The following RAPGEF5 variants were observed in gnomAD, a reference collection of about 807,000 sequenced individuals.
The protein encoded by RAPGEF5 is M-Ras-regulated GEF.
In RAPGEF5, 65 loss-of-function variants were observed where a neutral mutation model predicts 125.2. The observed-to-expected ratio is 0.52, with a 90% confidence interval of 0.43 to 0.64. RAPGEF5 has a LOEUF of 0.64. Among genes scored for constraint, RAPGEF5 ranks in the 30% least tolerant of loss-of-function variants. The pLI, the probability that RAPGEF5 is intolerant of heterozygous loss-of-function variation, is 0.00. For missense variants in RAPGEF5, 958 were observed against 1,048.1 expected (o/e 0.91, Z 1.19); for synonymous variants, 391 against 385.9 (o/e 1.01, Z -0.16).
chr7:22,125,715 G>T (rs148996755), intron 24 of RAPGEF5, 57 bp from the exon 25 acceptor site: 2 of 1,475,370 alleles, frequency 1.4e-6, no homozygotes, highest in Non-Finnish European at 1.9e-6. Flanking sequence ...TGTTACTGAA[G>T]AAGCAGTGCC....
chr7:22,137,466 T>C (rs944315119), intron 21 of RAPGEF5, among the ~76,000 whole-genome samples: 8 of 152,166 alleles, frequency 5.3e-5, no homozygotes, highest in Non-Finnish European at 8.8e-5. Flanking sequence ...AATCAATGAA[T>C]TGAAGAGCTC....
intron 5 of RAPGEF5, among the ~76,000 whole-genome samples, chr7:22,292,881 C>G (rs1782965885): frequency 6.6e-6 from 1 of 152,238 alleles, no homozygotes; most frequent in Non-Finnish European, 1.5e-5. Flanking sequence ...TCTCATAAAT[C>G]TGTTTTCAAC....
chr7:22,346,987 C>T (rs1387610879), intron 1 of RAPGEF5, among the ~76,000 whole-genome samples: 3 of 152,064 alleles, frequency 2.0e-5, no homozygotes, highest in African/African-American at 7.2e-5. Context: ...TATCTAATGT[C>T]ATTTAGTTAT....
intron 1 of RAPGEF5, among the ~76,000 whole-genome samples, chr7:22,353,500 G>A (rs1164890633): frequency 6.6e-6 from 1 of 152,132 alleles, no homozygotes; most frequent in East Asian, 1.9e-4. Context: ...GTTTTAAAAT[G>A]CACTAGCCCC....
chr7:22,139,764 G>A (rs1448550927), intron 21 of RAPGEF5: 1 of 352,906 alleles, frequency 2.8e-6, no homozygotes, highest in Non-Finnish European at 5.3e-6. Flanking sequence ...GGGAGACTGT[G>A]GGGACCAGCC....
chr7:22,168,111 G>C (rs1165068934), intron 11 of RAPGEF5, among the ~76,000 whole-genome samples: 3 of 152,006 alleles, frequency 2.0e-5, no homozygotes, highest in Non-Finnish European at 4.4e-5. Flanking sequence ...TGTTGTTATG[G>C]ACTGAATGCT....
intron 6 of RAPGEF5, among the ~76,000 whole-genome samples, chr7:22,289,886 C>T (rs1246420473): frequency 6.6e-6 from 1 of 152,152 alleles, no homozygotes; most frequent in Non-Finnish European, 1.5e-5. Context: ...CCTACCCACT[C>T]TCACTCTCTC....
At chr7:22,253,259 C>T (rs1254773814) in intron 7 of RAPGEF5, among the ~76,000 whole-genome samples, 1 of 152,216 alleles carries the variant, frequency 6.6e-6, no homozygotes, top group Non-Finnish European at 1.5e-5. Context: ...AAACACATGA[C>T]ACTTCTTTCC....
chr7:22,214,447 T>TA (rs1436358546), intron 9 of RAPGEF5, among the ~76,000 whole-genome samples: 1 of 152,216 alleles, frequency 6.6e-6, no homozygotes, highest in Non-Finnish European at 1.5e-5. Context: ...TTAGGAGCTA[T>TA]TGTTGGTATT....
intron 24 of RAPGEF5, among the ~76,000 whole-genome samples, chr7:22,129,772 G>C (rs2128099201): frequency 6.6e-6 from 1 of 152,316 alleles, no homozygotes; most frequent in Admixed American, 6.5e-5. Context: ...TGAAGTGATG[G>C]TCTTCGGTGT....
chr7:22,153,733 A>C lies in RAPGEF5; in HGVS notation c.1786+722T>G, dbSNP rs574214809. ...TCACATTTTTCAACTACTGATGCTAAGTCACTTTCTTTGTATTTTTTTCTC... is the reference window on the plus strand; with the variant it reads ...TCACATTTTTCAACTACTGATGCTACGTCACTTTCTTTGTATTTTTTTCTC... On this transcript the variant is annotated intron_variant, in intron 17 of 25. Transcript: ENST00000665637. 5.9e-5 allele frequency among the ~76,000 whole-genome samples: 9 copies of C among 152,308 alleles called. 2 individuals carry two copies. The highest frequency in any genetic ancestry group is 2.2e-4 in the African/African-American group (9 of 41,564).
intron 7 of RAPGEF5, among the ~76,000 whole-genome samples, chr7:22,231,612 CACTGAAGGGCTTCTCTGA>C (rs1441564908): frequency 3.9e-5 from 6 of 152,228 alleles, no homozygotes; most frequent in Non-Finnish European, 8.8e-5. Flanking sequence ...TCCTGCTCAT[CACTGAAGGGCTTCTCTGA>C]ACTCTCTAGC....
At chr7:22,353,415 T>A (rs1784364363) in intron 1 of RAPGEF5, among the ~76,000 whole-genome samples, 1 of 152,252 alleles carries the variant, frequency 6.6e-6, no homozygotes, top group Non-Finnish European at 1.5e-5. Context: ...AAAGTTTTGC[T>A]GTTGTTTTTA....
At chr7:22,350,597 T>C (rs1490988412) in intron 1 of RAPGEF5, among the ~76,000 whole-genome samples, 1 of 152,204 alleles carries the variant, frequency 6.6e-6, no homozygotes, top group East Asian at 1.9e-4. Flanking sequence ...AATGCAAAGA[T>C]AATAAGTGAT....
chr7:22,331,192 A>G (rs780566381), intron 1 of RAPGEF5, among the ~76,000 whole-genome samples: 12 of 152,218 alleles, frequency 7.9e-5, no homozygotes, highest in Non-Finnish European at 1.8e-4. Context: ...TCAATTAACT[A>G]CTTTTCCACA....
At chr7:22,199,611 A>C (rs1309801921) in intron 9 of RAPGEF5, among the ~76,000 whole-genome samples, 8 of 151,092 alleles carry the variant, frequency 5.3e-5, no homozygotes, top group Non-Finnish European at 1.0e-4. Context: ...CAGGGGACAC[A>C]TGAATCTGCC....
At chr7:22,218,632 T>C (rs7804311) in intron 9 of RAPGEF5, among the ~76,000 whole-genome samples, 105,665 of 152,016 alleles carry the variant, frequency 0.7, 36,899 homozygotes, top group East Asian at 0.86. Context: ...AAATTTAAGC[T>C]GCACACTAGG....
chr7:22,137,677 T>C (rs1466635857), intron 21 of RAPGEF5, among the ~76,000 whole-genome samples: 1 of 152,214 alleles, frequency 6.6e-6, no homozygotes, highest in Non-Finnish European at 1.5e-5. Context: ...AGCCTGAGTT[T>C]GAACTCTGAC....
chr7:22,346,188 G>A (rs1784221721), intron 1 of RAPGEF5, among the ~76,000 whole-genome samples: 1 of 152,074 alleles, frequency 6.6e-6, no homozygotes, highest in South Asian at 2.1e-4. Flanking sequence ...TCCCATGATA[G>A]AATACTGGTA....
Sources: gnomAD v4.1 joint callset for allele counts (sites outside exome capture counted in the v4.1 genomes callset) on GRCh38, gnomAD v4.1.1 for gene constraint, MANE v1.5 for transcripts, NCBI Gene and HGNC (gene_info 2026-07-23, HGNC 2026-07-21) for gene names.